The following SSH2 variants were observed in gnomAD, a reference collection of about 807,000 sequenced individuals.
SSH2 encodes slingshot protein phosphatase 2.
In SSH2, 37 loss-of-function variants were observed where a neutral mutation model predicts 135.2. The observed-to-expected ratio is 0.27, with a 90% CI of 0.21 to 0.36. SSH2 has a LOEUF of 0.36. SSH2 is among the 10% of genes least tolerant of loss of function. The probability of loss-of-function intolerance (pLI) is 1.00; values close to 1 mark genes in which losing one functional copy is unlikely to be tolerated. For synonymous variants in SSH2, 628 were observed against 646.2 expected, an observed-to-expected ratio of 0.97 and a Z score of 0.43; for missense variants, 1,408 against 1,765.3, an observed-to-expected ratio of 0.80 and a Z score of 3.63.
chr17:29,652,152 A>G (rs1015207481), intron 12 of SSH2, among the ~76,000 whole-genome samples: 15 of 152,198 alleles, frequency 9.9e-5, no homozygotes, highest in African/African-American at 3.6e-4. Context: ...CAAAAACAAA[A>G]AAAAAGGTGC....
intron 2 of SSH2, among the ~76,000 whole-genome samples, chr17:29,837,611 C>T (rs1275263166): frequency 3.3e-5 from 5 of 152,176 alleles, no homozygotes; most frequent in African/African-American, 4.8e-5. Context: ...GGTCAGGACC[C>T]ACTCTCCCAG....
intron 3 of SSH2, among the ~76,000 whole-genome samples, chr17:29,756,452 ATCTG>A (rs56217060): frequency 0.44 from 62,729 of 141,936 alleles, 14,592 homozygotes; most frequent in Non-Finnish European, 0.5. Context: ...CTGCCTGCCT[ATCTG>A]TCTATCTATC....
At chr17:29,898,696 G>A (rs1387688284) in intron 1 of SSH2, among the ~76,000 whole-genome samples, 2 of 152,094 alleles carry the variant, frequency 1.3e-5, no homozygotes, top group African/African-American at 4.8e-5. Flanking sequence ...AATTCTACCA[G>A]AGGTACAAGG....
At chr17:29,716,850 C>T (rs143293151) in intron 3 of SSH2, among the ~76,000 whole-genome samples, 20 of 152,300 alleles carry the variant, frequency 1.3e-4, no homozygotes, top group African/African-American at 4.6e-4. Context: ...ACTCCTCCCC[C>T]ACTCTAAGTT....
intron 5 of SSH2, among the ~76,000 whole-genome samples, chr17:29,689,248 C>T (rs745576460): frequency 2.0e-5 from 3 of 152,098 alleles, no homozygotes; most frequent in Non-Finnish European, 4.4e-5. Flanking sequence ...AAGTCTAACG[C>T]CCATCCTGGT....
At chr17:29,917,310 T>C (rs922489152) in intron 1 of SSH2, among the ~76,000 whole-genome samples, 2 of 152,256 alleles carry the variant, frequency 1.3e-5, no homozygotes, top group Non-Finnish European at 2.9e-5. Context: ...TGCTCTTCCA[T>C]CTTTTCCAAT....
intron 3 of SSH2, among the ~76,000 whole-genome samples, chr17:29,766,023 A>C (rs75393520): frequency 6.7e-6 from 1 of 150,180 alleles, no homozygotes. Context: ...CCGTCTCCAA[A>C]AAAAAAAAAA....
intron 14 of SSH2, chr17:29,645,034 A>C (rs780045539): frequency 6.6e-6 from 1 of 152,292 alleles, no homozygotes; most frequent in Non-Finnish European, 1.5e-5. Flanking sequence ...TGTGGGTGGC[A>C]GGAGGCAGTA....
rs543488208 is a variant in SSH2 at position 29,860,575 on chromosome 17, G to A, written c.64-11646C>T. Among the ~76,000 whole-genome samples, 330 of 151,482 alleles carry A rather than the reference G, an allele frequency of 2.2e-3. 2 individuals carry two copies. Among genetic ancestry groups the A allele is most frequent in the African/African-American group, 7.8e-3 (321 of 41,376 alleles). On this transcript the variant is annotated intron_variant, in intron 1 of 15. Transcript: ENST00000540801. ...CTTGCTTCAGCCACCGCGATTACAG[G>A]AGGGTCCCACCATGCCCAGCTAATT...
intron 4 of SSH2, among the ~76,000 whole-genome samples, chr17:29,700,297 GCTGA>G (rs1328390822): frequency 6.6e-6 from 1 of 152,050 alleles, no homozygotes; most frequent in African/African-American, 2.4e-5. Context: ...GTGTCCTCAG[GCTGA>G]CTTTTATTTT....
At chr17:29,649,633 G>A (rs73280626) in intron 13 of SSH2, among the ~76,000 whole-genome samples, 2,225 of 152,162 alleles carry the variant, frequency 0.015, 58 homozygotes, top group African/African-American at 0.05. Context: ...TGATCCTCCC[G>A]TCTCAGCAAG....
Position 29,756,464 on chromosome 17 carries a change from A to G in SSH2, c.188+37430T>C, listed in dbSNP as rs1016296523. Among the ~76,000 whole-genome samples the G allele has an allele frequency of 5.0e-4, 75 of 148,954 alleles. 2 individuals carry two copies. Among genetic ancestry groups the G allele is most frequent in the Non-Finnish European group, 9.1e-4 (61 of 67,132 alleles). ...TGCCTGCCTGCCTATCTGTCTATCT[A>G]TCCATCCACCCACCCACCCACCCAT... On this transcript the variant is annotated intron_variant, in intron 3 of 15. Coordinates refer to ENST00000540801, the MANE Select transcript of SSH2 (RefSeq NM_001282129.2).
At chr17:29,899,811 C>G (rs2151457467) in intron 1 of SSH2, among the ~76,000 whole-genome samples, 1 of 152,252 alleles carries the variant, frequency 6.6e-6, no homozygotes, top group South Asian at 2.1e-4. Flanking sequence ...CAAAAAAGAG[C>G]CCACATTGCC....
chr17:29,863,780 G>A (rs905572708), intron 1 of SSH2: 4 of 152,156 alleles, frequency 2.6e-5, no homozygotes, highest in African/African-American at 4.8e-5. Context: ...AGTAGATTTT[G>A]TGTGCTTGGA....
rs545743922 is a variant in SSH2 at position 29,761,618 on chromosome 17, G to C, written c.188+32276C>G. On this transcript the variant is annotated intron_variant, in intron 3 of 15. Transcript: ENST00000540801. The stretch of plus-strand genomic sequence containing the variant: ...CCAAGACACTGCTGCCTCGGTAAGG[G>C]AGTGAAGCTACTCAAGGGTGGACGA... 4.9e-4 allele frequency among the ~76,000 whole-genome samples: 74 copies of C among 152,298 alleles called. 1 individual carries two copies. Among genetic ancestry groups the C allele is most frequent in the Admixed American group, 1.9e-3 (29 of 15,310 alleles).
chr17:29,730,583 G>A (rs1050366452), intron 3 of SSH2, among the ~76,000 whole-genome samples: 1 of 151,640 alleles, frequency 6.6e-6, no homozygotes, highest in African/African-American at 2.4e-5. Flanking sequence ...CTACAGATGT[G>A]TGCCACCACA....
intron 3 of SSH2, among the ~76,000 whole-genome samples, chr17:29,749,041 T>G (rs546963623): frequency 6.6e-6 from 1 of 152,156 alleles, no homozygotes; most frequent in Non-Finnish European, 1.5e-5. Flanking sequence ...TCCGTAGATA[T>G]AAAAAAGCAG....
At position 29,629,984 on chromosome 17, in the gene SSH2, T is replaced by G. The variant is rs2035604201; in HGVS notation, c.*857A>C. On this transcript the variant is annotated 3_prime_UTR_variant, in exon 16 of 16. Transcript: ENST00000540801. Reference sequence around the variant, plus strand: ...TTTCGATTGCTGCTTTTCAAACATGTCACTGTTGTTTTCAGTTGGGAGGAC... The same window carrying G: ...TTTCGATTGCTGCTTTTCAAACATGGCACTGTTGTTTTCAGTTGGGAGGAC... 6.6e-6 allele frequency: 1 copy of G among 152,650 alleles called. No individual in the cohort carries two copies. The highest frequency in any genetic ancestry group is 1.9e-4 in the East Asian group (1 of 5,208). 9.5% of individuals were successfully genotyped at this position (152,650 alleles called of 1,614,324 possible).
intron 4 of SSH2, among the ~76,000 whole-genome samples, chr17:29,700,979 C>CT (rs1157545179): frequency 1.4e-5 from 2 of 147,822 alleles, no homozygotes; most frequent in African/African-American, 2.5e-5. Flanking sequence ...TTCTTTTTTT[C>CT]TTTTTTTTTG....
Sources: gnomAD v4.1 joint callset for allele counts (sites outside exome capture counted in the v4.1 genomes callset) on GRCh38, gnomAD v4.1.1 for gene constraint, MANE v1.5 for transcripts, NCBI Gene and HGNC (gene_info 2026-07-23, HGNC 2026-07-21) for gene names.